Variants in NPAT observed in about 807,000 individuals in gnomAD.
NPAT encodes protein NPAT.
Under a neutral mutation model 130.7 loss-of-function variants are expected in NPAT, and 52 were observed. That is an observed-to-expected ratio of 0.40 (90% confidence interval 0.32 to 0.50). NPAT has a LOEUF of 0.50. NPAT is among the 20% of genes least tolerant of loss of function. The pLI, the probability that NPAT is intolerant of heterozygous loss-of-function variation, is 0.68. For missense variants in NPAT, 1,687 were observed against 1,662.6 expected, an observed-to-expected ratio of 1.01 and a Z score of -0.26; for synonymous variants, 580 against 584.8, an observed-to-expected ratio of 0.99 and a Z score of 0.12.
At chr11:108,165,563 C>A (rs2077894777) in intron 15 of NPAT, among the ~76,000 whole-genome samples, 1 of 150,702 alleles carries the variant, frequency 6.6e-6, no homozygotes, top group Admixed American at 6.6e-5. Flanking sequence ...CTCCTGGGCT[C>A]AAGTGATCCT....
rs2078231510 is a variant in NPAT, at chr11:108,197,262, G to T, written c.156+40C>A. The T allele has an allele frequency of 3.2e-6, 4 of 1,268,622 alleles. No homozygotes were observed. The Admixed American group carries it at 5.0e-5, about 16-fold the overall frequency. 78.6% of individuals were successfully genotyped at this position (1,268,622 alleles called of 1,614,324 possible). ...TTTATGACTATGTTTTTAGTCTCTTGTGTTGATGAAATATTTCCCTTAAGG... is the reference window on the plus strand; with the variant it reads ...TTTATGACTATGTTTTTAGTCTCTTTTGTTGATGAAATATTTCCCTTAAGG... On this transcript the variant is annotated intron_variant, in intron 2 of 17. Coordinates refer to ENST00000278612, the MANE Select transcript of NPAT (RefSeq NM_002519.3).
At chr11:108,210,404 A>G (rs972793727) in intron 1 of NPAT, among the ~76,000 whole-genome samples, 3 of 152,114 alleles carry the variant, frequency 2.0e-5, no homozygotes, top group African/African-American at 7.2e-5. Context: ...CTGGTCATTT[A>G]AAAGTGTGTG....
At chr11:108,190,225 A>C (rs1394998035) in intron 5 of NPAT, among the ~76,000 whole-genome samples, 1 of 150,274 alleles carries the variant, frequency 6.7e-6, no homozygotes, top group Non-Finnish European at 1.5e-5. Context: ...AGGCAGGAGA[A>C]TCGCTTGAAC....
chr11:108,161,193 T>C lies in NPAT; in HGVS notation c.3893A>G (p.Asp1298Gly). The C allele has an allele frequency of 6.2e-7, 1 of 1,614,148 alleles. No homozygotes were observed. The highest frequency in any genetic ancestry group is 8.5e-7 in the Non-Finnish European group (1 of 1,180,012). Residue 1298 changes from aspartate (D) to glycine (G), a missense_variant, in exon 17 of 18, where the codon GAC becomes GGC. Around this residue, in one of 3 missense-constraint regions of NPAT, gnomAD observed 1,379 missense variants for 1,346.6 expected, o/e 1.02. Coordinates refer to ENST00000278612, the MANE Select transcript of NPAT (RefSeq NM_002519.3). ...GACCATTACTTTTGATGTACTACTG[T>C]CTTCACTGAAACGCCTACTAGAGGG... ...KAPSSRRFSE[D>G]SSTSKVMVPP...
Position 108,173,026 on chromosome 11 carries a change from G to A in NPAT, c.1958C>T (p.Ala653Val), listed in dbSNP as rs755872803. The A allele has an allele frequency of 2.5e-6, 4 of 1,613,898 alleles. No homozygotes were observed. The highest frequency in any genetic ancestry group is 1.1e-5 in the South Asian group (1 of 91,070). ...ELNHTENEAQ[A>V]SKSENSQEPS... ...CTCCTGTGAATTCTCAGACTTGGAT[G>A]CCTGAGCTTCATTTTCTGTATGATT... The change falls in exon 13 of 18, where the codon GCA (alanine) becomes GTA (valine). Residue 653 changes from alanine (A) to valine (V), a missense_variant. Coordinates refer to ENST00000278612, the MANE Select transcript of NPAT (RefSeq NM_002519.3).
chr11:108,184,861 T>C (rs537946806), intron 10 of NPAT, among the ~76,000 whole-genome samples: 7 of 152,238 alleles, frequency 4.6e-5, no homozygotes, highest in Non-Finnish European at 8.8e-5. Context: ...TATCATTTCA[T>C]TGTTTCTCTA....
intron 1 of NPAT, among the ~76,000 whole-genome samples, chr11:108,221,832 T>A (rs1247360355): frequency 6.6e-6 from 1 of 151,946 alleles, no homozygotes; most frequent in African/African-American, 2.4e-5. Context: ...CCACAAACAA[T>A]CCCTCCTCAA....
Position 108,172,993 on chromosome 11 carries a change from G to C in NPAT, c.1991C>G (p.Ser664Cys). Residue 664 changes from serine (S) to cysteine (C), a missense_variant, in exon 13 of 18, where the codon TCT becomes TGT. Transcript: ENST00000278612. ...SKSENSQEPS[S>C]SVKEENTIFL... ...AATAGTATTCTCTTCTTTTACAGAAGATGAAGGCTCCTGTGAATTCTCAGA... is the reference window on the plus strand; with the variant it reads ...AATAGTATTCTCTTCTTTTACAGAACATGAAGGCTCCTGTGAATTCTCAGA... 6.2e-7 allele frequency: 1 copy of C among 1,614,072 alleles called. No individual in the cohort carries two copies. The highest frequency in any genetic ancestry group is 2.2e-5 in the East Asian group (1 of 44,878).
intron 1 of NPAT, 106 bp downstream of exon 1, chr11:108,222,394 G>T: frequency 8.1e-7 from 1 of 1,228,114 alleles, no homozygotes; most frequent in Non-Finnish European, 1.2e-6. Context: ...TAAGCTGGGA[G>T]GCAAAACCCC....
chr11:108,184,525 T>C (rs1447250122), intron 10 of NPAT, among the ~76,000 whole-genome samples: 2 of 100,702 alleles, frequency 2.0e-5, no homozygotes, highest in Non-Finnish European at 4.1e-5. Flanking sequence ...CTTGGATTCA[T>C]TACATATTTT....
intron 1 of NPAT, among the ~76,000 whole-genome samples, chr11:108,212,629 A>C (rs777756400): frequency 3.3e-5 from 5 of 151,714 alleles, no homozygotes; most frequent in African/African-American, 1.2e-4. Context: ...AAGCCATAAA[A>C]AACAACAACA....
At chr11:108,184,531 A>ATCT (rs149784695) in intron 10 of NPAT, among the ~76,000 whole-genome samples, 91,343 of 150,816 alleles carry the variant, frequency 0.61, 27,848 homozygotes, top group Middle Eastern at 0.76. Flanking sequence ...TTCATTACAT[A>ATCT]TTTTTTCTTA....
chr11:108,216,466 T>C (rs1337389791), intron 1 of NPAT, among the ~76,000 whole-genome samples: 19 of 151,930 alleles, frequency 1.3e-4, no homozygotes, highest in Non-Finnish European at 2.9e-5. Context: ...ATACAATATA[T>C]TCATGACACT....
intron 1 of NPAT, among the ~76,000 whole-genome samples, chr11:108,215,481 G>A: frequency 6.6e-6 from 1 of 152,080 alleles, no homozygotes; most frequent in East Asian, 1.9e-4. Flanking sequence ...TATGACACAA[G>A]TTTACCTATA....
In NPAT at chr11:108,222,486, G is replaced by A. The variant is rs1444105219; in HGVS notation, c.37+14C>T. 6.2e-7 allele frequency: 1 copy of A among 1,613,332 alleles called. No individual in the cohort carries two copies. The highest frequency in any genetic ancestry group is 8.5e-7 in the Non-Finnish European group (1 of 1,179,664). On this transcript the variant is annotated intron_variant, in intron 1 of 17. Transcript: ENST00000278612. ...GCCGGGTCCAATAACCCTCCATCCCGCGTCCGCGCTTACCCAATACAAGCC... is the reference window on the plus strand; with the variant it reads ...GCCGGGTCCAATAACCCTCCATCCCACGTCCGCGCTTACCCAATACAAGCC...
chr11:108,167,581 T>G (rs2077912965), intron 15 of NPAT, among the ~76,000 whole-genome samples: 1 of 152,210 alleles, frequency 6.6e-6, no homozygotes, highest in Non-Finnish European at 1.5e-5. Flanking sequence ...ATGGTGGAAG[T>G]ATAATCAGAT....
rs574164125 is a variant in NPAT at position 108,196,839 on chromosome 11, G to A, written c.156+463C>T. On this transcript the variant is annotated intron_variant, in intron 2 of 17. Transcript: ENST00000278612. ...CATGTTATCTGTGATAGCCTTTAAG[G>A]AGCCATGATTAAAATAAAATGGCAA... Among the ~76,000 whole-genome samples, 5 of 152,188 alleles carry A rather than the reference G, an allele frequency of 3.3e-5. No homozygotes were observed. The South Asian group carries it at 1.0e-3, about 32-fold the overall frequency.
intron 17 of NPAT, among the ~76,000 whole-genome samples, chr11:108,160,133 G>A (rs1173421916): frequency 6.8e-6 from 1 of 147,242 alleles, no homozygotes; most frequent in Admixed American, 6.8e-5. Flanking sequence ...GGGTAACAGC[G>A]CAAGACTCTG....
intron 1 of NPAT, chr11:108,208,460 C>T (rs1450206330): frequency 4.4e-6 from 2 of 455,716 alleles, no homozygotes; most frequent in Admixed American, 4.7e-5. Context: ...TGGTGGTGTG[C>T]ACCTGTAGTT....
Sources: allele counts gnomAD v4.1 joint callset (sites outside exome capture counted in the v4.1 genomes callset), GRCh38; gene constraint gnomAD v4.1.1; regional missense constraint gnomAD v4.1.1; transcripts MANE v1.5; gene names NCBI Gene and HGNC (gene_info 2026-07-23, HGNC 2026-07-21).